LEKR1: variants seen among roughly 807,000 people sequenced by gnomAD.
LEKR1 encodes leucine, glutamate and lysine rich 1.
Under a neutral mutation model 72.4 loss-of-function variants are expected in LEKR1, and 59 were observed. The ratio of observed to expected loss-of-function variants is 0.82; its 90% confidence interval spans 0.66 to 1.01. LEKR1 has a LOEUF of 1.01. Among genes scored for constraint, LEKR1 ranks in the 50% least tolerant of loss-of-function variants. The pLI, the probability that LEKR1 is intolerant of heterozygous loss-of-function variation, is 0.00. For missense variants in LEKR1, 728 were observed against 759.2 expected (o/e 0.96, Z 0.48); for synonymous variants, 257 against 263.2 (o/e 0.98, Z 0.23).
intron 11 of LEKR1, among the ~76,000 whole-genome samples, chr3:157,027,360 AC>A (rs1734262995): frequency 6.6e-6 from 1 of 152,120 alleles, no homozygotes; most frequent in East Asian, 1.9e-4. Flanking sequence ...GCCATTATAT[AC>A]AAAAAAGAAA....
intron 3 of LEKR1, among the ~76,000 whole-genome samples, chr3:156,917,705 C>A (rs776982415): frequency 6.6e-6 from 1 of 152,122 alleles, no homozygotes; most frequent in Non-Finnish European, 1.5e-5. Context: ...TCCAGAGTCT[C>A]AAATTTACTG....
chr3:156,955,763 T>C (rs766378747), intron 6 of LEKR1, among the ~76,000 whole-genome samples: 3 of 151,964 alleles, frequency 2.0e-5, no homozygotes, highest in Non-Finnish European at 4.4e-5. Context: ...TTAATGAGGA[T>C]TTTTGCATTG....
intron 3 of LEKR1, among the ~76,000 whole-genome samples, chr3:156,862,279 TC>T (rs1210055208): frequency 1.3e-5 from 2 of 152,140 alleles, no homozygotes; most frequent in Admixed American, 1.3e-4. Context: ...TATTATTTTT[TC>T]TATTCACCTT....
intron 3 of LEKR1, among the ~76,000 whole-genome samples, chr3:156,911,977 C>G (rs549652166): frequency 6.6e-6 from 1 of 152,000 alleles, no homozygotes; most frequent in South Asian, 2.1e-4. Flanking sequence ...ATTGCTTGGG[C>G]TATTAGGGCT....
At chr3:156,910,134 G>C (rs961469198) in intron 3 of LEKR1, among the ~76,000 whole-genome samples, 1 of 152,256 alleles carries the variant, frequency 6.6e-6, no homozygotes, top group South Asian at 2.1e-4. Flanking sequence ...ATTAGGCAGA[G>C]GTTTTATTGT....
At chr3:156,987,537 G>A (rs1269917811) in intron 7 of LEKR1, among the ~76,000 whole-genome samples, 1 of 152,136 alleles carries the variant, frequency 6.6e-6, no homozygotes, top group Non-Finnish European at 1.5e-5. Flanking sequence ...TGATTTCAAA[G>A]CAAATGTGTA....
intron 7 of LEKR1, among the ~76,000 whole-genome samples, chr3:156,984,731 C>G (rs770338942): frequency 6.6e-6 from 1 of 152,002 alleles, no homozygotes; most frequent in Non-Finnish European, 1.5e-5. Context: ...AATGTACTTA[C>G]ACTTTAATTC....
chr3:156,829,586 A>G (rs1444910640), intron 2 of LEKR1, among the ~76,000 whole-genome samples: 11 of 152,214 alleles, frequency 7.2e-5, no homozygotes, highest in Admixed American at 7.2e-4. Context: ...GAAGACATAT[A>G]TCTAATTCCA....
chr3:156,866,650 AC>A (rs1717340399), intron 3 of LEKR1, among the ~76,000 whole-genome samples: 1 of 152,012 alleles, frequency 6.6e-6, no homozygotes, highest in South Asian at 2.1e-4. Context: ...TGCTTACATA[AC>A]TTATTTGGTA....
intron 3 of LEKR1, among the ~76,000 whole-genome samples, chr3:156,909,515 G>A (rs898669681): frequency 6.6e-6 from 1 of 151,992 alleles, no homozygotes; most frequent in African/African-American, 2.4e-5. Flanking sequence ...GCTGGGTGTG[G>A]TGGCATGCGC....
chr3:156,994,350 C>T (rs1390281440), intron 9 of LEKR1, among the ~76,000 whole-genome samples: 2 of 152,078 alleles, frequency 1.3e-5, no homozygotes, highest in Non-Finnish European at 2.9e-5. Context: ...GTTTCTACAC[C>T]AGGCAAGCAG....
rs1576915001 is a variant in LEKR1, at chr3:156,967,466, T to C, written c.746-11728T>C. Reference sequence around the variant, plus strand: ...GAGCTGAAAATCAAGGCACGAGAACTATGTGATGAATGCACAAGCCTCATT... The same window carrying C: ...GAGCTGAAAATCAAGGCACGAGAACCATGTGATGAATGCACAAGCCTCATT... On this transcript the variant is annotated intron_variant, in intron 6 of 12. Transcript: ENST00000356539. 3.9e-5 allele frequency among the ~76,000 whole-genome samples: 6 copies of C among 152,320 alleles called. 1 individual carries two copies. In the South Asian group the frequency reaches 1.2e-3, roughly 32 times the overall value.
intron 6 of LEKR1, among the ~76,000 whole-genome samples, chr3:156,970,540 A>G (rs1729070875): frequency 6.6e-6 from 1 of 152,178 alleles, no homozygotes; most frequent in Non-Finnish European, 1.5e-5. Context: ...TTGGGAAAAG[A>G]GGAAGTCAAA....
chr3:156,961,752 G>C (rs890456059), intron 6 of LEKR1, among the ~76,000 whole-genome samples: 7 of 152,238 alleles, frequency 4.6e-5, no homozygotes, highest in South Asian at 2.1e-4. Flanking sequence ...CTTTGAATAA[G>C]TTATTAATTT....
At chr3:156,921,730 C>T (rs1724217242) in intron 4 of LEKR1, among the ~76,000 whole-genome samples, 1 of 152,226 alleles carries the variant, frequency 6.6e-6, no homozygotes, top group South Asian at 2.1e-4. Flanking sequence ...GCAGAAGGCT[C>T]ATCTGATTTA....
chr3:156,954,176 T>C (rs62275820), intron 6 of LEKR1, among the ~76,000 whole-genome samples: 4,819 of 152,092 alleles, frequency 0.032, 115 homozygotes, highest in Non-Finnish European at 0.047. Flanking sequence ...GAAAAGTGTC[T>C]GTTCATGTTC....
At chr3:156,897,331 T>A (rs1158841658) in intron 3 of LEKR1, among the ~76,000 whole-genome samples, 1 of 152,170 alleles carries the variant, frequency 6.6e-6, no homozygotes, top group Non-Finnish European at 1.5e-5. Flanking sequence ...GGTCAAACTC[T>A]GTAAGATTTT....
chr3:156,927,825 G>C (rs1724864331), intron 5 of LEKR1, among the ~76,000 whole-genome samples: 1 of 151,882 alleles, frequency 6.6e-6, no homozygotes, highest in Admixed American at 6.6e-5. Flanking sequence ...ACTGTGGCCA[G>C]AAGTCTGTTC....
At chr3:156,940,541 A>G (rs1047559995) in intron 5 of LEKR1, among the ~76,000 whole-genome samples, 1 of 152,214 alleles carries the variant, frequency 6.6e-6, no homozygotes, top group African/African-American at 2.4e-5. Flanking sequence ...ATGGAATTGT[A>G]TAATGGCAAG....
Sources: gnomAD v4.1 joint callset for allele counts (sites outside exome capture counted in the v4.1 genomes callset) on GRCh38, gnomAD v4.1.1 for gene constraint, MANE v1.5 for transcripts, NCBI Gene and HGNC (gene_info 2026-07-23, HGNC 2026-07-21) for gene names.